ACTR3C: variants seen among roughly 807,000 people sequenced by gnomAD.
ACTR3C encodes the protein actin related protein 3C.
Under a neutral mutation model 26.3 loss-of-function variants are expected in ACTR3C, and 18 were observed. The observed-to-expected ratio is 0.68, with a 90% CI of 0.47 to 1.01. ACTR3C has a LOEUF of 1.01. ACTR3C is among the 50% of genes least tolerant of loss of function. ACTR3C has a pLI of 0.00. For synonymous variants in ACTR3C, 55 were observed against 94.5 expected (o/e 0.58, Z 2.42); for missense variants, 184 against 250.7 (o/e 0.73, Z 1.80).
chr7:150,102,259 C>G, the ACTR3C span, among the ~76,000 whole-genome samples: 1 of 151,732 alleles, frequency 6.6e-6, no homozygotes, highest in African/African-American at 2.4e-5. Context: ...GCATCCTTTT[C>G]TACAACCTAA....
the ACTR3C span, among the ~76,000 whole-genome samples, chr7:150,112,663 AAGG>A: frequency 9.2e-5 from 14 of 152,172 alleles, no homozygotes; most frequent in Admixed American, 2.0e-4. Flanking sequence ...AAGGGAAAAA[AAGG>A]AGGAGGACAG....
chr7:149,923,991 A>G, the ACTR3C span, among the ~76,000 whole-genome samples: 1 of 151,068 alleles, frequency 6.6e-6, no homozygotes, highest in East Asian at 2.1e-4. Flanking sequence ...AGGGAGACTC[A>G]GTCTCAATTA....
At chr7:150,064,225 A>G in the ACTR3C span, among the ~76,000 whole-genome samples, 3 of 148,184 alleles carry the variant, frequency 2.0e-5, no homozygotes, top group Non-Finnish European at 4.5e-5. Flanking sequence ...GCTGTAAGCA[A>G]GACATTTGAA....
At chr7:150,249,941 G>A (rs1267035961) in intron 6 of ACTR3C, among the ~76,000 whole-genome samples, 9 of 152,136 alleles carry the variant, frequency 5.9e-5, no homozygotes, top group Non-Finnish European at 1.2e-4. Flanking sequence ...CCTCACTTCC[G>A]GGGACTGTGA....
At chr7:150,211,779 A>G in the ACTR3C span, among the ~76,000 whole-genome samples, 10 of 151,608 alleles carry the variant, frequency 6.6e-5, no homozygotes, top group Non-Finnish European at 7.4e-5. Context: ...CTTCCACTCT[A>G]CCTCAGTAAA....
At chr7:150,235,399 G>A in the ACTR3C span, among the ~76,000 whole-genome samples, 1 of 152,110 alleles carries the variant, frequency 6.6e-6, no homozygotes, top group Non-Finnish European at 1.5e-5. Flanking sequence ...TCTCCTTCTG[G>A]ACACCTGCGA....
At chr7:149,996,147 A>T in the ACTR3C span, among the ~76,000 whole-genome samples, 1 of 152,282 alleles carries the variant, frequency 6.6e-6, no homozygotes, top group Middle Eastern at 3.2e-3. Context: ...CGTGGGGAGC[A>T]TCTGCCAGCA....
the ACTR3C span, among the ~76,000 whole-genome samples, chr7:149,958,191 C>A: frequency 1.3e-5 from 2 of 151,916 alleles, no homozygotes; most frequent in East Asian, 3.8e-4. Flanking sequence ...TTCCCCAAAG[C>A]CCATGGGGAC....
chr7:150,031,259 AT>A, the ACTR3C span, among the ~76,000 whole-genome samples: 1 of 109,842 alleles, frequency 9.1e-6, no homozygotes, highest in Admixed American at 1.2e-4. Context: ...TCTGTCCCAA[AT>A]TTAAAAAAAA....
At chr7:150,211,409 G>A in the ACTR3C span, among the ~76,000 whole-genome samples, 1 of 151,712 alleles carries the variant, frequency 6.6e-6, no homozygotes, top group Non-Finnish European at 1.5e-5. Flanking sequence ...AGCCTCCAGA[G>A]TAGTTGGGAC....
At chr7:150,035,871 C>T in the ACTR3C span, among the ~76,000 whole-genome samples, 1 of 136,684 alleles carries the variant, frequency 7.3e-6, no homozygotes, top group East Asian at 2.1e-4. Flanking sequence ...GTACCAACAG[C>T]CAGGGGCGGA....
the ACTR3C span, among the ~76,000 whole-genome samples, chr7:150,134,811 T>A: frequency 6.6e-6 from 1 of 152,246 alleles, no homozygotes; most frequent in African/African-American, 2.4e-5. Flanking sequence ...TCTGAAAACT[T>A]ATCAGTCTTT....
intron 1 of ACTR3C, among the ~76,000 whole-genome samples, chr7:150,315,778 G>C (rs1220663127): frequency 6.6e-6 from 1 of 151,050 alleles, no homozygotes; most frequent in Non-Finnish European, 1.5e-5. Context: ...ATACATGTGT[G>C]TATTCTCCCC....
At chr7:150,036,915 C>A in the ACTR3C span, among the ~76,000 whole-genome samples, 1 of 110,046 alleles carries the variant, frequency 9.1e-6, no homozygotes, top group Admixed American at 8.1e-5. Flanking sequence ...GAGTGCCTCC[C>A]CCCTCTGCGA....
the ACTR3C span, among the ~76,000 whole-genome samples, chr7:149,937,652 A>T: frequency 1.3e-5 from 2 of 152,152 alleles, no homozygotes. Flanking sequence ...CTGAAGAAAC[A>T]GGAACCGAAG....
chr7:150,292,294 C>T (rs1221238973), intron 3 of ACTR3C, among the ~76,000 whole-genome samples: 2 of 152,068 alleles, frequency 1.3e-5, no homozygotes, highest in Non-Finnish European at 2.9e-5. Flanking sequence ...TCTGACTTCC[C>T]TCTGAATACC....
the ACTR3C span, among the ~76,000 whole-genome samples, chr7:150,000,585 C>T: frequency 4.7e-5 from 4 of 84,598 alleles, no homozygotes; most frequent in East Asian, 1.0e-3. Context: ...GAGGACATAA[C>T]CCAGATCCCA....
chr7:150,180,511 C>CTTTTTTTTTTTTTTTT, the ACTR3C span, among the ~76,000 whole-genome samples: 9 of 125,756 alleles, frequency 7.2e-5, no homozygotes, highest in African/African-American at 1.0e-4. Context: ...AGTAGTATAT[C>CTTTTTTTTTTTTTTTT]TTTTTTTTTT....
the ACTR3C span, among the ~76,000 whole-genome samples, chr7:149,953,033 G>A: frequency 6.6e-6 from 1 of 151,486 alleles, no homozygotes; most frequent in Non-Finnish European, 1.5e-5. Flanking sequence ...AAAGGTATAT[G>A]TGCTATTGCA....
Sources: allele counts gnomAD v4.1 joint callset (sites outside exome capture counted in the v4.1 genomes callset), GRCh38; gene constraint gnomAD v4.1.1; transcripts MANE v1.5; gene names NCBI Gene and HGNC (gene_info 2026-07-23, HGNC 2026-07-21).